The following AFF3 variants were observed in gnomAD, a reference collection of about 807,000 sequenced individuals.
AFF3 encodes the protein AF4/FMR2 family member 3.
A neutral mutation model predicts 129.7 loss-of-function variants in AFF3; 32 were observed. The ratio of observed to expected loss-of-function variants is 0.25; its 90% CI spans 0.19 to 0.33. AFF3 has a LOEUF of 0.33. Ranked by LOEUF, AFF3 falls within the 10% of genes least tolerant of loss-of-function variation. The probability of loss-of-function intolerance (pLI) is 1.00; values close to 1 mark genes in which losing one functional copy is unlikely to be tolerated. For synonymous variants in AFF3, 644 were observed against 635.4 expected (o/e 1.01, Z -0.20); for missense variants, 1,373 against 1,592.0 (o/e 0.86, Z 2.34).
In AFF3 at chr2:99,593,545, G is replaced by A; in HGVS notation, c.2116C>T (p.Gln706Ter). The change falls in exon 15 of 25, where the codon CAG becomes TAG. Residue 706 changes from glutamine (Q) to a stop codon, truncating the protein, a stop_gained. Transcript: ENST00000672756. LOFTEE classifies it high-confidence loss of function. The stretch of plus-strand genomic sequence containing the variant: ...TTGGCAGCGGCCTCCTTCAGCCTCT[G>A]ATCATTCCCGGAGGAGGCAGAGGCA... ...VAASASSGNDQRLKEAAANGG... is the reference protein window; with the variant it reads ...VAASASSGND 6.2e-7 allele frequency: 1 copy of A among 1,613,320 alleles called. No individual in the cohort carries two copies. The highest frequency in any genetic ancestry group is 8.5e-7 in the Non-Finnish European group (1 of 1,179,908).
At chr2:99,575,414 ATTTT>A (rs540441950) in intron 18 of AFF3, among the ~76,000 whole-genome samples, 3,233 of 127,436 alleles carry the variant, frequency 0.025, 137 homozygotes, top group African/African-American at 0.093. Flanking sequence ...TGCCTGGCTA[ATTTT>A]TTTTTTTTTT....
intron 7 of AFF3, among the ~76,000 whole-genome samples, chr2:100,002,800 T>C (rs537788546): frequency 6.6e-6 from 1 of 152,340 alleles, no homozygotes; most frequent in South Asian, 2.1e-4. Context: ...GGTTTTGGAA[T>C]ACACTGCTGA....
At chr2:99,613,725 C>T (rs1173873741) in intron 13 of AFF3, among the ~76,000 whole-genome samples, 2 of 152,134 alleles carry the variant, frequency 1.3e-5, no homozygotes, top group African/African-American at 4.8e-5. Flanking sequence ...GTGTTGAATG[C>T]TTGTTTCAGC....
At position 99,547,495 on chromosome 2, in the gene AFF3, CTTTT is replaced by C. The variant is rs34122848; in HGVS notation, c.*3975_*3978del. On this transcript the variant is annotated 3_prime_UTR_variant, in exon 25 of 25. Coordinates refer to ENST00000672756, the MANE Select transcript of AFF3 (RefSeq NM_001386135.1). ...TGTCTACATTGTTAAAAAAATCTTGCTTTTTTTTTTTTTTGGTGATGCAGATTTC... is the reference window on the plus strand; with the variant it reads ...TGTCTACATTGTTAAAAAAATCTTGCTTTTTTTTTTGGTGATGCAGATTTC... The C allele has an allele frequency of 5.4e-5, 10 of 183,856 alleles. No homozygotes were observed. The highest frequency in any genetic ancestry group is 8.6e-5 in the East Asian group (1 of 11,604). The allele number at this position is 183,856 out of a possible 1,614,324, so 11.4% of individuals were successfully genotyped here.
chr2:100,047,484 A>G (rs1231416453), intron 4 of AFF3, among the ~76,000 whole-genome samples: 4 of 152,186 alleles, frequency 2.6e-5, no homozygotes, highest in Non-Finnish European at 5.9e-5. Flanking sequence ...CCCCGTCCTT[A>G]TTACATTACC....
chr2:99,889,938 G>T lies in AFF3; in HGVS notation c.874-52414C>A, dbSNP rs192071671. ...GCCTCCCAAAGTGTTGGGATTACAG[G>T]CATGAGCCACCGCATCCAGCCTGAA... On this transcript the variant is annotated intron_variant, in intron 7 of 24. Coordinates refer to ENST00000672756, the MANE Select transcript of AFF3 (RefSeq NM_001386135.1). 7.5e-3 allele frequency among the ~76,000 whole-genome samples: 1,138 copies of T among 152,290 alleles called. 15 individuals are homozygous for T. The highest frequency in any genetic ancestry group is 0.026 in the African/African-American group (1,067 of 41,564).
At chr2:99,940,508 A>G (rs1261069304) in intron 7 of AFF3, among the ~76,000 whole-genome samples, 1 of 152,186 alleles carries the variant, frequency 6.6e-6, no homozygotes. Context: ...CAAAACCAAG[A>G]TGGTGACGAG....
At chr2:99,923,217 T>C (rs1220857367) in intron 7 of AFF3, among the ~76,000 whole-genome samples, 1 of 152,156 alleles carries the variant, frequency 6.6e-6, no homozygotes, top group Non-Finnish European at 1.5e-5. Context: ...CAAGGCAGAA[T>C]TGGGGTTCTC....
chr2:99,755,934 C>T (rs1682061368), intron 8 of AFF3, among the ~76,000 whole-genome samples: 1 of 152,204 alleles, frequency 6.6e-6, no homozygotes, highest in South Asian at 2.1e-4. Flanking sequence ...CTGGATCAAG[C>T]CCTCATGTCT....
intron 2 of AFF3, among the ~76,000 whole-genome samples, chr2:100,128,505 G>C (rs1692293498): frequency 6.6e-6 from 1 of 152,150 alleles, no homozygotes; most frequent in Admixed American, 6.5e-5. Flanking sequence ...TAATTTCAGA[G>C]GTCAAGCAAT....
chr2:99,632,347 G>A (rs755881408), intron 13 of AFF3, among the ~76,000 whole-genome samples: 10 of 152,208 alleles, frequency 6.6e-5, no homozygotes, highest in East Asian at 1.9e-4. Flanking sequence ...TTAAGTAGCC[G>A]TCCTAATGGG....
chr2:99,744,847 G>A (rs1223393237), intron 9 of AFF3, among the ~76,000 whole-genome samples: 1 of 152,028 alleles, frequency 6.6e-6, no homozygotes, highest in Non-Finnish European at 1.5e-5. Flanking sequence ...CCACGAATAT[G>A]CAGGTATGTA....
intron 2 of AFF3, among the ~76,000 whole-genome samples, chr2:100,116,322 A>G (rs1399814870): frequency 2.6e-5 from 4 of 152,094 alleles, no homozygotes; most frequent in African/African-American, 9.7e-5. Flanking sequence ...TTTTAATTAA[A>G]GAAATTAATC....
intron 8 of AFF3, among the ~76,000 whole-genome samples, chr2:99,791,834 T>C (rs561057678): frequency 2.6e-5 from 4 of 152,160 alleles, no homozygotes; most frequent in South Asian, 2.1e-4. Flanking sequence ...TTTCTTTTTT[T>C]TTTTTTTAAT....
At chr2:100,139,902 A>T (rs1185894569) in intron 1 of AFF3, among the ~76,000 whole-genome samples, 1 of 152,226 alleles carries the variant, frequency 6.6e-6, no homozygotes, top group Non-Finnish European at 1.5e-5. Flanking sequence ...AAAAACCGGA[A>T]ATCAACTAAA....
chr2:100,068,961 T>A (rs1249084403), intron 4 of AFF3, among the ~76,000 whole-genome samples: 1 of 152,180 alleles, frequency 6.6e-6, no homozygotes, highest in African/African-American at 2.4e-5. Flanking sequence ...TTGTATTTTT[T>A]AAGTTTTCTT....
At chr2:99,915,489 G>C (rs1382431250) in intron 7 of AFF3, among the ~76,000 whole-genome samples, 1 of 152,148 alleles carries the variant, frequency 6.6e-6, no homozygotes, top group Admixed American at 6.5e-5. Flanking sequence ...CTGAGAATGG[G>C]AGTAAAAAGC....
chr2:99,949,764 A>T (rs1675969021), intron 7 of AFF3, among the ~76,000 whole-genome samples: 1 of 152,244 alleles, frequency 6.6e-6, no homozygotes, highest in Admixed American at 6.5e-5. Context: ...CTCACTTGCC[A>T]GCTACTCACC....
chr2:99,691,831 C>T (rs567332527), intron 11 of AFF3, among the ~76,000 whole-genome samples: 15 of 152,166 alleles, frequency 9.9e-5, no homozygotes, highest in Admixed American at 2.6e-4. Context: ...AGGAGGAAGA[C>T]GAACTCCAGG....
Sources: allele counts gnomAD v4.1 joint callset (sites outside exome capture counted in the v4.1 genomes callset), GRCh38; gene constraint gnomAD v4.1.1; transcripts MANE v1.5; gene names NCBI Gene and HGNC (gene_info 2026-07-23, HGNC 2026-07-21).